The following OR2AJ1 variants were observed in gnomAD, a reference collection of about 807,000 sequenced individuals.
OR2AJ1 encodes the protein olfactory receptor 2AJ1.
For missense variants in OR2AJ1, 280 were observed against 163.2 expected (o/e 1.72, Z -3.90); for synonymous variants, 105 against 60.3 (o/e 1.74, Z -3.44).
intron 1 of OR2AJ1, among the ~76,000 whole-genome samples, chr1:247,928,235 G>T (rs142319647): frequency 5.7e-4 from 86 of 151,930 alleles, no homozygotes; most frequent in African/African-American, 1.8e-3. Context: ...ATGTCATTTT[G>T]GTTTTGATTT....
At chr1:247,926,676 G>C (rs1358889761) in intron 1 of OR2AJ1, among the ~76,000 whole-genome samples, 1 of 152,228 alleles carries the variant, frequency 6.6e-6, no homozygotes, top group African/African-American at 2.4e-5. Context: ...GGTACAACCA[G>C]ACTTAGGTTT....
chr1:247,927,131 G>A (rs1243661692), intron 1 of OR2AJ1, among the ~76,000 whole-genome samples: 3 of 152,108 alleles, frequency 2.0e-5, no homozygotes, highest in Non-Finnish European at 4.4e-5. Flanking sequence ...CACACTTGCT[G>A]GACTTTGCTT....
chr1:247,934,587 C>T lies in OR2AJ1; in HGVS notation c.819C>T (p.Phe273=). 2.8e-6 allele frequency: 2 copies of T among 717,832 alleles called. No homozygotes were observed. The highest frequency in any genetic ancestry group is 2.7e-5 in the East Asian group (1 of 37,286). The allele number at this position is 717,832 out of a possible 1,614,324, so 44.5% of individuals were successfully genotyped here. A position where few individuals can be genotyped will look rare whatever the true frequency, so the allele number is the denominator to read the frequency against. Residue 273 remains phenylalanine (F), a synonymous_variant, in exon 2 of 2, where the codon TTC becomes TTT. Coordinates refer to ENST00000318244, the MANE Select transcript of OR2AJ1 (RefSeq NM_001355235.2). The part of the protein sequence containing the change: ...KSYHTPGQDK[F]LAIFYTILTP... The stretch of plus-strand genomic sequence containing the variant: ...ACCACACTCCAGGCCAGGATAAGTT[C>T]CTGGCAATATTCTATACGATCCTCA...
chr1:247,928,082 G>T (rs1486826222), intron 1 of OR2AJ1, among the ~76,000 whole-genome samples: 1 of 152,008 alleles, frequency 6.6e-6, no homozygotes, highest in Non-Finnish European at 1.5e-5. Flanking sequence ...TATATTTTTA[G>T]TTTCATAGTG....
At position 247,935,010 on chromosome 1, in the gene OR2AJ1, T is replaced by C. The variant is rs917882362; in HGVS notation, c.*255T>C. ...CAAAATTGTAAGACTTATGAGAATA[T>C]CCCTAAAAATACAGTCACACATCCA... On this transcript the variant is annotated 3_prime_UTR_variant, in exon 2 of 2. Transcript: ENST00000318244. 1.2e-5 allele frequency: 4 copies of C among 328,712 alleles called. No homozygotes were observed. The Admixed American group carries it at 1.8e-4, about 15-fold the overall frequency. 20.4% of individuals were successfully genotyped at this position (328,712 alleles called of 1,614,324 possible). A position where few individuals can be genotyped will look rare whatever the true frequency, so the allele number is the denominator to read the frequency against.
chr1:247,926,168 T>C (rs922286834), intron 1 of OR2AJ1, among the ~76,000 whole-genome samples: 1 of 152,174 alleles, frequency 6.6e-6, no homozygotes, highest in Admixed American at 6.5e-5. Context: ...TTAAAATAAA[T>C]ATAAACATTA....
chr1:247,927,757 T>C (rs1572609507), intron 1 of OR2AJ1, among the ~76,000 whole-genome samples: 1 of 152,178 alleles, frequency 6.6e-6, no homozygotes, highest in Admixed American at 6.5e-5. Context: ...CTTCTGTATA[T>C]GAATGAGAAC....
chr1:247,934,955 A>C lies in OR2AJ1; in HGVS notation c.*200A>C. ...TCATGCAACAGTTACAGGAAGTAGA[A>C]GTTACCCAAGGCGTCCTATTCCCTA... On this transcript the variant is annotated 3_prime_UTR_variant, in exon 2 of 2. Coordinates refer to ENST00000318244, the MANE Select transcript of OR2AJ1 (RefSeq NM_001355235.2). The C allele has an allele frequency of 2.1e-6, 1 of 486,864 alleles. No individual in the cohort carries two copies. The highest frequency in any genetic ancestry group is 3.8e-5 in the Admixed American group (1 of 26,282). The allele number at this position is 486,864 out of a possible 1,614,324, so 30.2% of individuals were successfully genotyped here.
In OR2AJ1 at chr1:247,934,760, C is replaced by A; in HGVS notation, c.*5C>A. The A allele has an allele frequency of 1.5e-6, 1 of 685,186 alleles. No homozygotes were observed. The allele number at this position is 685,186 out of a possible 1,614,324, so 42.4% of individuals were successfully genotyped here. ...TTCTGTCTATTTCTATGTTAAATGCCTGAAGGATACTCATGAGAGGTTTCC... is the reference window on the plus strand; with the variant it reads ...TTCTGTCTATTTCTATGTTAAATGCATGAAGGATACTCATGAGAGGTTTCC... On this transcript the variant is annotated 3_prime_UTR_variant, in exon 2 of 2. Transcript: ENST00000318244.
chr1:247,928,939 A>G (rs1032788702), intron 1 of OR2AJ1, among the ~76,000 whole-genome samples: 1 of 152,182 alleles, frequency 6.6e-6, no homozygotes, highest in African/African-American at 2.4e-5. Context: ...CTAAAAATAA[A>G]AAAAATTATC....
At chr1:247,931,626 T>C (rs1324772937) in intron 1 of OR2AJ1, among the ~76,000 whole-genome samples, 1 of 152,156 alleles carries the variant, frequency 6.6e-6, no homozygotes, top group Non-Finnish European at 1.5e-5. Flanking sequence ...ATTGCGTAGA[T>C]GATATGAACT....
At chr1:247,928,865 C>T (rs969024070) in intron 1 of OR2AJ1, among the ~76,000 whole-genome samples, 7 of 152,066 alleles carry the variant, frequency 4.6e-5, no homozygotes, top group Non-Finnish European at 1.0e-4. Flanking sequence ...GAGGCCGAGG[C>T]GGGCGGATCA....
At chr1:247,932,373 A>T (rs1660163415) in intron 1 of OR2AJ1, among the ~76,000 whole-genome samples, 1 of 152,154 alleles carries the variant, frequency 6.6e-6, no homozygotes, top group Non-Finnish European at 1.5e-5. Context: ...AACATAAAAA[A>T]CAGGCAGGAC....
chr1:247,934,310 T>C lies in OR2AJ1; in HGVS notation c.542T>C (p.Val181Ala), dbSNP rs765203553. ...SRAIDHFFCE[V>A]PAMLKLSCAD... The stretch of plus-strand genomic sequence containing the variant: ...GCAATTGATCACTTCTTCTGTGAAG[T>C]CCCTGCCATGTTGAAGTTGTCCTGT... Residue 181 changes from valine (V) to alanine (A), a missense_variant, in exon 2 of 2, where the codon GTC (valine) becomes GCC (alanine). By Grantham distance (64) the Val-to-Ala change is moderately conservative. Coordinates refer to ENST00000318244, the MANE Select transcript of OR2AJ1 (RefSeq NM_001355235.2). 12 of 738,064 alleles carry C rather than the reference T, an allele frequency of 1.6e-5. No homozygotes were observed. Among genetic ancestry groups the C allele is most frequent in the Admixed American group, 1.1e-4 (6 of 52,762 alleles). 45.7% of individuals were successfully genotyped at this position (738,064 alleles called of 1,614,324 possible). A position where few individuals can be genotyped will look rare whatever the true frequency, so the allele number is the denominator to read the frequency against.
At chr1:247,932,616 A>G (rs1660166739) in intron 1 of OR2AJ1, among the ~76,000 whole-genome samples, 1 of 152,194 alleles carries the variant, frequency 6.6e-6, no homozygotes. Context: ...TCAAACAAGT[A>G]GTTGTTAATA....
rs75091319 is a variant in OR2AJ1, at chr1:247,933,669, T to G, written c.-22-78T>G. 1.3e-4 allele frequency: 65 copies of G among 504,912 alleles called. 1 individual carries two copies. In the East Asian group the frequency reaches 2.0e-3, roughly 16 times the overall value. 31.3% of individuals were successfully genotyped at this position (504,912 alleles called of 1,614,324 possible). A position where few individuals can be genotyped will look rare whatever the true frequency, so the allele number is the denominator to read the frequency against. On this transcript the variant is annotated intron_variant, in intron 1 of 1. Coordinates refer to ENST00000318244, the MANE Select transcript of OR2AJ1 (RefSeq NM_001355235.2). ...ACATGCATCACTAACTCTCATTTTA[T>G]TATGCAGGTATATTATTGTTAGATT...
At chr1:247,927,580 C>T (rs1023382045) in intron 1 of OR2AJ1, among the ~76,000 whole-genome samples, 3 of 150,086 alleles carry the variant, frequency 2.0e-5, no homozygotes, top group African/African-American at 7.3e-5. Context: ...TTATCATTAA[C>T]GATAATCATC....
rs1447705933 is a variant in OR2AJ1, at chr1:247,934,009, A to G, written c.241A>G (p.Met81Val). 8 of 717,414 alleles carry G rather than the reference A, an allele frequency of 1.1e-5. No individual in the cohort carries two copies. In the East Asian group the frequency reaches 1.9e-4, roughly 17 times the overall value. The allele number at this position is 717,414 out of a possible 1,614,324, so 44.4% of individuals were successfully genotyped here. Residue 81 changes from methionine (M) to valine (V), a missense_variant, in exon 2 of 2, where the codon ATG becomes GTG. Transcript: ENST00000318244. ...ILHVSNIVPK[M>V]VTNFLSGSRT... ...GCATGTTTCCAACATCGTTCCCAAA[A>G]TGGTCACTAACTTTCTGTCAGGCAG... is the stretch of plus-strand genomic sequence containing the variant.
At chr1:247,933,303 C>G (rs953845873) in intron 1 of OR2AJ1, among the ~76,000 whole-genome samples, 1 of 152,014 alleles carries the variant, frequency 6.6e-6, no homozygotes, top group African/African-American at 2.4e-5. Context: ...GTAAATATAA[C>G]CAGTGTGTTT....
Sources: gnomAD v4.1 joint callset for allele counts (sites outside exome capture counted in the v4.1 genomes callset) on GRCh38, gnomAD v4.1.1 for gene constraint, MANE v1.5 for transcripts, NCBI Gene and HGNC (gene_info 2026-07-23, HGNC 2026-07-21) for gene names.